Variants in KIAA0825 observed in about 807,000 individuals in gnomAD.
KIAA0825 encodes the protein uncharacterized protein KIAA0825.
KIAA0825 carries 119 observed loss-of-function variants against 147.6 expected under a neutral mutation model. The ratio of observed to expected loss-of-function variants is 0.81; its 90% CI spans 0.69 to 0.94. The LOEUF (loss-of-function observed/expected upper bound fraction) is 0.94, where lower values mean the gene tolerates loss of function less well. Ranked by LOEUF, KIAA0825 falls within the 40% of genes least tolerant of loss-of-function variation. The pLI is 0.00. For synonymous variants in KIAA0825, 470 were observed against 518.1 expected, an observed-to-expected ratio of 0.91 and a Z score of 1.26; for missense variants, 1,381 against 1,472.7, an observed-to-expected ratio of 0.94 and a Z score of 1.02.
At chr5:94,571,274 T>C (rs914736556) in intron 2 of KIAA0825, among the ~76,000 whole-genome samples, 1 of 152,254 alleles carries the variant, frequency 6.6e-6, no homozygotes, top group African/African-American at 2.4e-5. Flanking sequence ...GTCAAGTGTT[T>C]CAACTTCAAC....
At position 94,575,876 on chromosome 5, in the gene KIAA0825, C is replaced by T. The variant is rs531861495; in HGVS notation, c.-2+6557G>A. On this transcript the variant is annotated intron_variant, in intron 2 of 20. Transcript: ENST00000682413. ...GATAGACCAGAGTAGAAAGATGAGGCTATAAGGAAGTTTATGCAGTAAGGG... is the reference window on the plus strand; with the variant it reads ...GATAGACCAGAGTAGAAAGATGAGGTTATAAGGAAGTTTATGCAGTAAGGG... 4.6e-5 allele frequency among the ~76,000 whole-genome samples: 7 copies of T among 152,104 alleles called. No individual in the cohort carries two copies. In the East Asian group the frequency reaches 1.4e-3, roughly 29 times the overall value.
chr5:94,230,402 G>T (rs916677035), intron 20 of KIAA0825, among the ~76,000 whole-genome samples: 1 of 152,144 alleles, frequency 6.6e-6, no homozygotes, highest in Non-Finnish European at 1.5e-5. Context: ...TGCCTTCCAA[G>T]ATAACCAGTG....
At chr5:94,528,208 T>C (rs542283061) in intron 3 of KIAA0825, among the ~76,000 whole-genome samples, 1 of 152,322 alleles carries the variant, frequency 6.6e-6, no homozygotes, top group East Asian at 1.9e-4. Context: ...ATTACTTTTG[T>C]AAAAGTTTTG....
chr5:94,286,321 C>G (rs1255372524), intron 20 of KIAA0825, among the ~76,000 whole-genome samples: 2 of 152,162 alleles, frequency 1.3e-5, no homozygotes, highest in Non-Finnish European at 2.9e-5. Context: ...TAAGCCTTCA[C>G]TGATTGCCAC....
At position 94,477,300 on chromosome 5, in the gene KIAA0825, A is replaced by G. The variant is rs1301059750; in HGVS notation, c.1133-95T>C. 1.3e-5 allele frequency: 10 copies of G among 791,674 alleles called. No individual in the cohort carries two copies. The East Asian group carries it at 2.7e-4, about 21-fold the overall frequency. 49.0% of individuals were successfully genotyped at this position (791,674 alleles called of 1,614,324 possible). On this transcript the variant is annotated intron_variant, in intron 6 of 20. Transcript: ENST00000682413. ...AAATTCAGGTAAATATTAACTACGTAGAAAAGTTCTATCCACAGTACATAC... is the reference window on the plus strand; with the variant it reads ...AAATTCAGGTAAATATTAACTACGTGGAAAAGTTCTATCCACAGTACATAC...
At chr5:94,513,424 T>C (rs1766782925) in intron 5 of KIAA0825, among the ~76,000 whole-genome samples, 1 of 152,182 alleles carries the variant, frequency 6.6e-6, no homozygotes, top group African/African-American at 2.4e-5. Context: ...AAGTGAAATA[T>C]TCTTTGCAAC....
chr5:94,241,927 A>G (rs762603543), intron 20 of KIAA0825, among the ~76,000 whole-genome samples: 2 of 152,220 alleles, frequency 1.3e-5, no homozygotes, highest in Non-Finnish European at 2.9e-5. Flanking sequence ...GCTTGAAATA[A>G]GGCAGTGTTT....
chr5:94,319,033 C>T (rs778459078), intron 20 of KIAA0825, among the ~76,000 whole-genome samples: 3 of 151,750 alleles, frequency 2.0e-5, no homozygotes, highest in Admixed American at 6.6e-5. Flanking sequence ...TAGCACCAGG[C>T]TTGATATTGA....
In KIAA0825 at chr5:94,484,999, G is replaced by A. The variant is rs150639118; in HGVS notation, c.971-69C>T. ...TTCTTAGTAAATATTAGAATGATCT[G>A]TGTGATTCCATAAACCATATAAAAA... On this transcript the variant is annotated intron_variant, in intron 5 of 20. Transcript: ENST00000682413. The A allele has an allele frequency of 1.0e-4, 113 of 1,098,058 alleles. 1 individual carries two copies. The South Asian group carries it at 1.2e-3, about 12-fold the overall frequency. 68.0% of individuals were successfully genotyped at this position (1,098,058 alleles called of 1,614,324 possible). A position where few individuals can be genotyped will look rare whatever the true frequency, so the allele number is the denominator to read the frequency against.
chr5:94,314,930 T>G (rs1562371639), intron 20 of KIAA0825, among the ~76,000 whole-genome samples: 1 of 151,662 alleles, frequency 6.6e-6, no homozygotes, highest in African/African-American at 2.4e-5. Context: ...TATGAATTTG[T>G]CTTTGATGTA....
intron 14 of KIAA0825, among the ~76,000 whole-genome samples, chr5:94,425,487 C>T (rs1219650134): frequency 2.6e-5 from 4 of 152,054 alleles, no homozygotes; most frequent in Non-Finnish European, 4.4e-5. Flanking sequence ...GTCTATAATG[C>T]CAAAGCTTTG....
At chr5:94,358,747 C>T (rs1003582772) in intron 20 of KIAA0825, among the ~76,000 whole-genome samples, 2 of 152,168 alleles carry the variant, frequency 1.3e-5, no homozygotes, top group Non-Finnish European at 2.9e-5. Context: ...CAGACATTTC[C>T]CTGAGCTGGA....
intron 20 of KIAA0825, among the ~76,000 whole-genome samples, chr5:94,202,048 C>A (rs1391665952): frequency 6.6e-6 from 1 of 152,148 alleles, no homozygotes; most frequent in Non-Finnish European, 1.5e-5. Flanking sequence ...ATAGGGGGTT[C>A]TGGCTAAACT....
At chr5:94,574,887 G>A (rs949017002) in intron 2 of KIAA0825, among the ~76,000 whole-genome samples, 7 of 152,092 alleles carry the variant, frequency 4.6e-5, no homozygotes, top group South Asian at 4.2e-4. Flanking sequence ...TACTATACCC[G>A]GCTCTGGTTC....
In KIAA0825 at chr5:94,370,083, A is replaced by G. The variant is rs1254428003; in HGVS notation, c.3710+14285T>C. Among the ~76,000 whole-genome samples, 5 of 152,236 alleles carry G rather than the reference A, an allele frequency of 3.3e-5. No individual in the cohort carries two copies. The East Asian group carries it at 9.6e-4, about 29-fold the overall frequency. ...TATTCACAATCACTTAATACTGGAA[A>G]CAATCCAAATGTCCTTTAAAAGGTG... On this transcript the variant is annotated intron_variant, in intron 20 of 20. Transcript: ENST00000682413.
chr5:94,230,251 T>C (rs965473633), intron 20 of KIAA0825, among the ~76,000 whole-genome samples: 1 of 152,234 alleles, frequency 6.6e-6, no homozygotes, highest in Admixed American at 6.5e-5. Flanking sequence ...GGGGCAGATA[T>C]TCATTTCTTC....
chr5:94,275,708 G>A (rs1388863432), intron 20 of KIAA0825, among the ~76,000 whole-genome samples: 1 of 152,124 alleles, frequency 6.6e-6, no homozygotes, highest in Non-Finnish European at 1.5e-5. Flanking sequence ...TCTATGACAT[G>A]TTGTCTCTCT....
At position 94,370,634 on chromosome 5, in the gene KIAA0825, C is replaced by T. The variant is rs182282507; in HGVS notation, c.3710+13734G>A. Among the ~76,000 whole-genome samples the T allele has an allele frequency of 5.0e-3, 759 of 152,130 alleles. 8 individuals are homozygous for T. Among genetic ancestry groups the T allele is most frequent in the Non-Finnish European group, 5.5e-3 (371 of 67,988 alleles). The stretch of plus-strand genomic sequence containing the variant: ...TTAAAAACATAGTATCGGCCGGTTG[C>T]TGTGGCTGAAGCCTGTAATCCCAGC... On this transcript the variant is annotated intron_variant, in intron 20 of 20. Coordinates refer to ENST00000682413, the MANE Select transcript of KIAA0825 (RefSeq NM_001145678.3).
At chr5:94,458,728 G>A (rs1027208592) in intron 12 of KIAA0825, among the ~76,000 whole-genome samples, 3 of 150,966 alleles carry the variant, frequency 2.0e-5, no homozygotes, top group African/African-American at 7.3e-5. Flanking sequence ...GGAAAATTTT[G>A]CATTCTGCCA....
Sources: gnomAD v4.1 joint callset for allele counts (sites outside exome capture counted in the v4.1 genomes callset) on GRCh38, gnomAD v4.1.1 for gene constraint, MANE v1.5 for transcripts, NCBI Gene and HGNC (gene_info 2026-07-23, HGNC 2026-07-21) for gene names.